The following PARD3B variants were observed in gnomAD, a reference collection of about 807,000 sequenced individuals.
PARD3B encodes the protein partitioning defective 3 homolog B.
A neutral mutation model predicts 130.2 loss-of-function variants in PARD3B; 103 were observed. The ratio of observed to expected loss-of-function variants is 0.79; its 90% CI spans 0.67 to 0.93. The LOEUF is 0.93. Ranked by LOEUF, PARD3B falls within the 40% of genes least tolerant of loss-of-function variation. The pLI is 0.00. For synonymous variants in PARD3B, 583 were observed against 553.2 expected, an observed-to-expected ratio of 1.05 and a Z score of -0.76; for missense variants, 1,609 against 1,499.2, an observed-to-expected ratio of 1.07 and a Z score of -1.21.
chr2:204,596,509 G>A (rs2033294369), intron 1 of PARD3B, among the ~76,000 whole-genome samples: 1 of 152,062 alleles, frequency 6.6e-6, no homozygotes, highest in Non-Finnish European at 1.5e-5. Flanking sequence ...GCTCTTAGAG[G>A]GACCTTCTTT....
chr2:204,838,653 T>C (rs2044148256), intron 2 of PARD3B, among the ~76,000 whole-genome samples: 1 of 152,130 alleles, frequency 6.6e-6, no homozygotes, highest in Non-Finnish European at 1.5e-5. Context: ...TTTGATAGAA[T>C]CAGTAGGGTG....
chr2:205,539,765 T>C (rs192045391), intron 21 of PARD3B, among the ~76,000 whole-genome samples: 7 of 151,982 alleles, frequency 4.6e-5, no homozygotes, highest in East Asian at 1.9e-4. Flanking sequence ...CCCCAGGTCA[T>C]TGCACAGAGC....
chr2:205,146,425 G>A lies in PARD3B; in HGVS notation c.1435-12297G>A, dbSNP rs368090639. On this transcript the variant is annotated intron_variant, in intron 10 of 22. Coordinates refer to ENST00000406610, the MANE Select transcript of PARD3B (RefSeq NM_001302769.2). This position sits in a 1 kb window ranked among gnomAD's most constrained non-coding sequence, Gnocchi z 4.3. ...AGCATTTTGGGAGGCCGAGGTGGGCGGATCATGAGGTCAGGAGATCGAGAC... is the reference window on the plus strand; with the variant it reads ...AGCATTTTGGGAGGCCGAGGTGGGCAGATCATGAGGTCAGGAGATCGAGAC... 1.8e-3 allele frequency among the ~76,000 whole-genome samples: 275 copies of A among 152,050 alleles called. 1 individual carries two copies. The highest frequency in any genetic ancestry group is 6.0e-3 in the African/African-American group (251 of 41,500).
intron 3 of PARD3B, among the ~76,000 whole-genome samples, chr2:204,999,148 G>T (rs973728364): frequency 2.1e-4 from 31 of 149,396 alleles, no homozygotes; most frequent in Admixed American, 7.3e-4. Context: ...GTCTGTATCT[G>T]TTTTTAAGAT....
At chr2:204,713,439 A>G (rs1319006688) in intron 2 of PARD3B, among the ~76,000 whole-genome samples, 1 of 150,346 alleles carries the variant, frequency 6.7e-6, no homozygotes, top group East Asian at 2.0e-4. Context: ...TTTTTTAAGT[A>G]TGCAGTTTTG....
Position 204,901,855 on chromosome 2 carries a change from G to C in PARD3B, c.223-63297G>C, listed in dbSNP as rs141300231. ...TGGGTTTTTCCCTTCAAGGCAGGTG[G>C]TTTCCCTTCTGGCTCAGGGTGTGCC... On this transcript the variant is annotated intron_variant, in intron 2 of 22. Transcript: ENST00000406610. Among the ~76,000 whole-genome samples the C allele has an allele frequency of 4.2e-3, 635 of 152,264 alleles. 5 individuals carry two copies. Among genetic ancestry groups the C allele is most frequent in the Middle Eastern group, 0.041 (12 of 294 alleles).
intron 10 of PARD3B, among the ~76,000 whole-genome samples, chr2:205,143,750 T>G (rs1290137604): frequency 1.3e-5 from 2 of 152,180 alleles, no homozygotes; most frequent in Non-Finnish European, 2.9e-5. Context: ...TGCAGGGATA[T>G]GCAGGAAGAA....
At chr2:205,452,663 C>T (rs1215737291) in intron 20 of PARD3B, among the ~76,000 whole-genome samples, 1 of 152,198 alleles carries the variant, frequency 6.6e-6, no homozygotes, top group African/African-American at 2.4e-5. Flanking sequence ...TCCATCCCAT[C>T]TCTTTAAAAC....
chr2:205,004,582 G>A (rs1251760855), intron 3 of PARD3B, among the ~76,000 whole-genome samples: 3 of 152,136 alleles, frequency 2.0e-5, no homozygotes, highest in Non-Finnish European at 4.4e-5. Context: ...ATATTAGGAA[G>A]GCAGAGGAAA....
chr2:205,550,808 T>G lies in PARD3B; in HGVS notation c.3181-2516T>G, dbSNP rs2052582823. Among the ~76,000 whole-genome samples the G allele has an allele frequency of 1.3e-5, 2 of 149,626 alleles. No homozygotes were observed. Among genetic ancestry groups the G allele is most frequent in the South Asian group, 2.1e-4 (1 of 4,788 alleles). On this transcript the variant is annotated intron_variant, in intron 21 of 22. Coordinates refer to ENST00000406610, the MANE Select transcript of PARD3B (RefSeq NM_001302769.2). This position sits in a 1 kb window ranked among gnomAD's most constrained non-coding sequence, Gnocchi z 4.5. ...TGCAAATATACAAATATATGCATAT[T>G]TATATGTATATATGTATATTTTATG...
At chr2:204,588,280 T>C (rs968225035) in intron 1 of PARD3B, among the ~76,000 whole-genome samples, 1 of 152,222 alleles carries the variant, frequency 6.6e-6, no homozygotes, top group African/African-American at 2.4e-5. Flanking sequence ...TATAGGAACC[T>C]ATTTATTGTA....
At chr2:205,086,034 TGTG>T (rs1701721722) in intron 4 of PARD3B, among the ~76,000 whole-genome samples, 1 of 152,140 alleles carries the variant, frequency 6.6e-6, no homozygotes, top group Non-Finnish European at 1.5e-5. Context: ...TTCAAGAACT[TGTG>T]GTGATGCTGT....
At chr2:205,433,199 A>C (rs2106134994) in intron 19 of PARD3B, among the ~76,000 whole-genome samples, 1 of 152,350 alleles carries the variant, frequency 6.6e-6, no homozygotes, top group East Asian at 1.9e-4. Context: ...TAAGTAGTAT[A>C]ATCAGCATTT....
At chr2:205,384,147 G>T (rs985936975) in intron 18 of PARD3B, among the ~76,000 whole-genome samples, 9 of 151,972 alleles carry the variant, frequency 5.9e-5, no homozygotes, top group African/African-American at 2.2e-4. Context: ...ATTATTTTTG[G>T]TAAGTTTGAC....
rs564818322 is a variant in PARD3B, at chr2:204,802,758, G to A, written c.222+116476G>A. ...ACACAGGAACAGAAAACCAAACACC[G>A]CATATTCTCACTCATAAGTGGCAGT... On this transcript the variant is annotated intron_variant, in intron 2 of 22. Coordinates refer to ENST00000406610, the MANE Select transcript of PARD3B (RefSeq NM_001302769.2). Among the ~76,000 whole-genome samples the A allele has an allele frequency of 1.4e-4, 21 of 152,044 alleles. No homozygotes were observed. The East Asian group carries it at 1.7e-3, about 13-fold the overall frequency.
At chr2:204,789,623 G>A (rs2042129894) in intron 2 of PARD3B, among the ~76,000 whole-genome samples, 1 of 152,132 alleles carries the variant, frequency 6.6e-6, no homozygotes, top group Non-Finnish European at 1.5e-5. Context: ...CCATCAGCCT[G>A]AATTCTGCAA....
chr2:204,859,723 A>G (rs1044562065), intron 2 of PARD3B, among the ~76,000 whole-genome samples: 1 of 152,190 alleles, frequency 6.6e-6, no homozygotes, highest in Non-Finnish European at 1.5e-5. Flanking sequence ...AAGGCTGGGC[A>G]GTGATGGAGA....
intron 18 of PARD3B, among the ~76,000 whole-genome samples, chr2:205,383,121 T>TAGATAGATAGATAGAG (rs1363858515): frequency 1.9e-4 from 28 of 150,848 alleles, no homozygotes; most frequent in Non-Finnish European, 3.7e-4. Context: ...GATAGATAGA[T>TAGATAGATAGATAGAG]AGATAGATAG....
chr2:205,472,748 T>C lies in PARD3B; in HGVS notation c.3045-27148T>C, dbSNP rs578055313. Among the ~76,000 whole-genome samples the C allele has an allele frequency of 1.2e-4, 19 of 152,270 alleles. No homozygotes were observed. In the East Asian group the frequency reaches 3.5e-3, roughly 28 times the overall value. ...GTACACCATTTGAAGCTATGTAGTC[T>C]TCAACCTTGAGTGTATATAACAGAG... On this transcript the variant is annotated intron_variant, in intron 20 of 22. Coordinates refer to ENST00000406610, the MANE Select transcript of PARD3B (RefSeq NM_001302769.2).
Sources: allele counts gnomAD v4.1 joint callset (sites outside exome capture counted in the v4.1 genomes callset), GRCh38; gene constraint gnomAD v4.1.1; non-coding constraint Gnocchi (gnomAD v3.1); transcripts MANE v1.5; gene names NCBI Gene and HGNC (gene_info 2026-07-23, HGNC 2026-07-21).